The following TMTC3 variants were observed in gnomAD, a reference collection of about 807,000 sequenced individuals.
The protein encoded by TMTC3 is transmembrane O-mannosyltransferase targeting cadherins 3, also known as protein O-mannosyl-transferase TMTC3.
In TMTC3, 52 loss-of-function variants were observed where a neutral mutation model predicts 92.2. That is an observed-to-expected ratio of 0.56 (90% CI 0.45 to 0.71). The LOEUF (loss-of-function observed/expected upper bound fraction) is 0.71. Among genes scored for constraint, TMTC3 ranks in the 30% least tolerant of loss-of-function variants. TMTC3 has a pLI of 0.00. For missense variants in TMTC3, 896 were observed against 1,057.1 expected (o/e 0.85, Z 2.11); for synonymous variants, 339 against 363.3 (o/e 0.93, Z 0.76).
chr12:88,159,692 T>A (rs2041053627), intron 4 of TMTC3, among the ~76,000 whole-genome samples: 1 of 152,002 alleles, frequency 6.6e-6, no homozygotes, highest in African/African-American at 2.4e-5. Context: ...AGTACCCTAC[T>A]TTTCCCAATA....
At chr12:88,180,654 G>A (rs1379369286) in intron 10 of TMTC3, among the ~76,000 whole-genome samples, 2 of 152,108 alleles carry the variant, frequency 1.3e-5, no homozygotes, top group Non-Finnish European at 2.9e-5. Flanking sequence ...ATCTTCTGGG[G>A]CTGCAGGTGC....
Position 88,148,420 on chromosome 12 carries a change from A to T in TMTC3, c.105A>T (p.Ala35=). 6.2e-7 allele frequency: 1 copy of T among 1,613,516 alleles called. No individual in the cohort carries two copies. Among genetic ancestry groups the T allele is most frequent in the Non-Finnish European group, 8.5e-7 (1 of 1,179,688 alleles). ...GTTTTGTTTTTGATGATGTTTCAGC[A>T]ATACTGGATAACAAAGACTTGCATC... ...FCGFVFDDVS[A]ILDNKDLHPS... The change falls in exon 2 of 14, where the codon GCA becomes GCT. Residue 35 remains alanine, a synonymous_variant. Coordinates refer to ENST00000266712, the MANE Select transcript of TMTC3 (RefSeq NM_181783.4).
chr12:88,156,151 G>A (rs2041007040), intron 4 of TMTC3, among the ~76,000 whole-genome samples: 1 of 152,184 alleles, frequency 6.6e-6, no homozygotes, highest in East Asian at 1.9e-4. Context: ...GTCTCTTTAA[G>A]TAATTCTGAT....
chr12:88,190,420 T>A, intron 11 of TMTC3, 33 bp from the exon 12 acceptor site: 3 of 1,599,676 alleles, frequency 1.9e-6, no homozygotes, highest in Non-Finnish European at 2.6e-6. Context: ...TACTGAAATA[T>A]CAAATCATGA....
chr12:88,153,531 CTTT>C, intron 3 of TMTC3, 22 bp downstream of exon 3: 1 of 1,421,082 alleles, frequency 7.0e-7, no homozygotes, highest in Non-Finnish European at 9.7e-7. Flanking sequence ...TATGAACTGA[CTTT>C]TTTTCTTTTT....
At chr12:88,172,027 A>G (rs1244304930) in intron 7 of TMTC3, among the ~76,000 whole-genome samples, 1 of 152,002 alleles carries the variant, frequency 6.6e-6, no homozygotes, top group Non-Finnish European at 1.5e-5. Flanking sequence ...TACTTTGCCC[A>G]TTTTTTAAAT....
chr12:88,146,601 G>T (rs1364854294), intron 1 of TMTC3, among the ~76,000 whole-genome samples: 1 of 148,224 alleles, frequency 6.7e-6, no homozygotes, highest in Non-Finnish European at 1.5e-5. Flanking sequence ...TTGTGTGTGT[G>T]TGTGTGTGTG....
intron 1 of TMTC3, among the ~76,000 whole-genome samples, chr12:88,143,171 T>A (rs1012325855): frequency 2.6e-5 from 4 of 151,532 alleles, no homozygotes; most frequent in African/African-American, 9.7e-5. Flanking sequence ...TTTTTTTTTT[T>A]AAACGCTGCT....
Position 88,148,322 on chromosome 12 carries a change from A to G in TMTC3, c.7A>G (p.Asn3Asp), listed in dbSNP as rs2040900401. 1 of 1,604,264 alleles carries G rather than the reference A, an allele frequency of 6.2e-7. No individual in the cohort carries two copies. Among genetic ancestry groups the G allele is most frequent in the Non-Finnish European group, 8.5e-7 (1 of 1,176,208 alleles). Residue 3 changes from asparagine (N) to aspartate (D), a missense_variant, in exon 2 of 14, where the codon AAT (asparagine) becomes GAT (aspartate). By Grantham distance (23) the Asn-to-Asp change is conservative (BLOSUM62 1). Coordinates refer to ENST00000266712, the MANE Select transcript of TMTC3 (RefSeq NM_181783.4). Reference sequence around the variant, plus strand: ...AGAAGTGCTTATAGAAAAGATGGCTAATATTAACCTAAAAGAAATAACCTT... The same window carrying G: ...AGAAGTGCTTATAGAAAAGATGGCTGATATTAACCTAAAAGAAATAACCTT... MANINLKEITLIV... is the reference protein window; with the variant it reads MADINLKEITLIV...
In TMTC3 at chr12:88,190,539, T is replaced by C. The variant is rs2138439960; in HGVS notation, c.1623T>C (p.Asn541=). The part of the protein sequence containing the change: ...YINLANLIRA[N]ESRLEEADQL... Reference sequence around the variant, plus strand: ...ATCTGGCTAACCTGATCCGAGCAAATGAGTCCCGACTGGAAGAAGCAGATC... The same window carrying C: ...ATCTGGCTAACCTGATCCGAGCAAACGAGTCCCGACTGGAAGAAGCAGATC... Residue 541 remains asparagine (N), a synonymous_variant, in exon 12 of 14, where the codon AAT becomes AAC. Transcript: ENST00000266712. 2.5e-6 allele frequency: 4 copies of C among 1,613,860 alleles called. No individual in the cohort carries two copies. The highest frequency in any genetic ancestry group is 2.5e-6 in the Non-Finnish European group (3 of 1,179,928).
At chr12:88,157,486 C>G (rs2041025490) in intron 4 of TMTC3, among the ~76,000 whole-genome samples, 1 of 151,994 alleles carries the variant, frequency 6.6e-6, no homozygotes, top group South Asian at 2.1e-4. Context: ...TAAATATCCA[C>G]TTAAATGTCA....
intron 4 of TMTC3, among the ~76,000 whole-genome samples, chr12:88,157,502 A>G (rs2041025597): frequency 6.6e-6 from 1 of 152,016 alleles, no homozygotes; most frequent in Non-Finnish European, 1.5e-5. Flanking sequence ...TGTCATCAAT[A>G]TCACTACTCA....
chr12:88,198,855 A>G lies in TMTC3; in HGVS notation c.*3206A>G, dbSNP rs565562432. Reference sequence around the variant, plus strand: ...GATAACTAGATGGTATTTAAAATGAATGCCCAAAAATATCTTGTACCTTTG... The same window carrying G: ...GATAACTAGATGGTATTTAAAATGAGTGCCCAAAAATATCTTGTACCTTTG... On this transcript the variant is annotated 3_prime_UTR_variant, in exon 14 of 14. Transcript: ENST00000266712. The G allele has an allele frequency of 6.5e-6, 1 of 153,156 alleles. No homozygotes were observed. The highest frequency in any genetic ancestry group is 1.9e-4 in the East Asian group (1 of 5,218). 9.5% of individuals were successfully genotyped at this position (153,156 alleles called of 1,614,324 possible).
intron 4 of TMTC3, among the ~76,000 whole-genome samples, chr12:88,156,072 C>T (rs11104743): frequency 0.043 from 6,593 of 152,002 alleles, 227 homozygotes; most frequent in Non-Finnish European, 0.071. Flanking sequence ...ATCACGCCAC[C>T]GCACTCCAGC....
chr12:88,174,888 A>T (rs1255879763), intron 9 of TMTC3, among the ~76,000 whole-genome samples, 161 bp downstream of exon 9: 2 of 152,180 alleles, frequency 1.3e-5, no homozygotes, highest in African/African-American at 4.8e-5. Context: ...ACATAATGCC[A>T]TAACCAAATG....
At chr12:88,183,661 A>G (rs2041343731) in intron 10 of TMTC3, among the ~76,000 whole-genome samples, 1 of 152,112 alleles carries the variant, frequency 6.6e-6, no homozygotes, top group East Asian at 1.9e-4. Context: ...GGGCCATAAC[A>G]TTAGAGATGC....
chr12:88,150,936 A>C (rs2040935533), intron 2 of TMTC3, among the ~76,000 whole-genome samples: 1 of 152,114 alleles, frequency 6.6e-6, no homozygotes, highest in Non-Finnish European at 1.5e-5. Context: ...TGTTTAGATT[A>C]TCTCTCTAGT....
chr12:88,193,928 G>C lies in TMTC3; in HGVS notation c.1934-910G>C, dbSNP rs1403958937. ...TTTTGCAATAGAAATTATCTCAATG[G>C]AGATTTGTTTCCTGCCAGGCAGTGG... On this transcript the variant is annotated intron_variant, in intron 13 of 13. Transcript: ENST00000266712. 2.6e-5 allele frequency among the ~76,000 whole-genome samples: 4 copies of C among 151,906 alleles called. No individual in the cohort carries two copies. The South Asian group carries it at 8.3e-4, about 32-fold the overall frequency.
At chr12:88,146,389 T>C (rs1327885202) in intron 1 of TMTC3, among the ~76,000 whole-genome samples, 1 of 152,078 alleles carries the variant, frequency 6.6e-6, no homozygotes, top group Admixed American at 6.6e-5. Flanking sequence ...AACCTTGCCC[T>C]CCTGTTGTCC....
Sources: allele counts gnomAD v4.1 joint callset (sites outside exome capture counted in the v4.1 genomes callset), GRCh38; gene constraint gnomAD v4.1.1; transcripts MANE v1.5; gene names NCBI Gene and HGNC (gene_info 2026-07-23, HGNC 2026-07-21).